KCNMB2: variants seen among roughly 807,000 people sequenced by gnomAD.
KCNMB2 encodes potassium calcium-activated channel subfamily M regulatory beta subunit 2.
Under a neutral mutation model 24.5 loss-of-function variants are expected in KCNMB2, and 9 were observed. The observed-to-expected ratio is 0.37, with a 90% CI of 0.22 to 0.64. KCNMB2 has a LOEUF of 0.64. Among genes scored for constraint, KCNMB2 ranks in the 30% least tolerant of loss-of-function variants. The pLI is 0.63. For synonymous variants in KCNMB2, 109 were observed against 104.4 expected (o/e 1.04, Z -0.27); for missense variants, 226 against 284.3 (o/e 0.79, Z 1.47).
intron 1 of KCNMB2, among the ~76,000 whole-genome samples, chr3:178,647,168 TC>T (rs1262681916): frequency 6.6e-6 from 1 of 152,112 alleles, no homozygotes; most frequent in Non-Finnish European, 1.5e-5. Context: ...TAAATATGCT[TC>T]CTAGCCTGTC....
In KCNMB2 at chr3:178,560,470, C is replaced by G. The variant is rs536786531; in HGVS notation, c.-68+23759C>G. On this transcript the variant is annotated intron_variant, in intron 1 of 4. Transcript: ENST00000452583. ...CCACTGAAGCGATTGCTATTCCCAA[C>G]TTTATCCTTAGAATTCTTTTTCCAA... Among the ~76,000 whole-genome samples, 9 of 152,312 alleles carry G rather than the reference C, an allele frequency of 5.9e-5. No homozygotes were observed. The East Asian group carries it at 1.7e-3, about 29-fold the overall frequency.
chr3:178,643,768 C>G (rs910356500), intron 1 of KCNMB2, among the ~76,000 whole-genome samples: 1 of 152,162 alleles, frequency 6.6e-6, no homozygotes, highest in African/African-American at 2.4e-5. Context: ...TAGGTACTTT[C>G]AAGGATTCCT....
chr3:178,741,113 T>C (rs1438011752), intron 1 of KCNMB2, among the ~76,000 whole-genome samples: 1 of 152,238 alleles, frequency 6.6e-6, no homozygotes, highest in Non-Finnish European at 1.5e-5. Flanking sequence ...TGAACATGTT[T>C]GTCCATTTGC....
chr3:178,592,599 AAG>A (rs1278098828), intron 1 of KCNMB2, among the ~76,000 whole-genome samples: 1 of 152,128 alleles, frequency 6.6e-6, no homozygotes, highest in East Asian at 1.9e-4. Flanking sequence ...TTTCCATAAA[AAG>A]AGATGTTGAT....
At chr3:178,759,333 A>ATATATATC (rs1258621851) in intron 1 of KCNMB2, among the ~76,000 whole-genome samples, 5 of 58,264 alleles carry the variant, frequency 8.6e-5, no homozygotes, top group African/African-American at 3.5e-4. Context: ...ATATATATAT[A>ATATATATC]TCTCCAAGAG....
At chr3:178,674,383 C>T (rs1348299826) in intron 1 of KCNMB2, among the ~76,000 whole-genome samples, 1 of 152,082 alleles carries the variant, frequency 6.6e-6, no homozygotes, top group African/African-American at 2.4e-5. Flanking sequence ...CTGGTTCCTC[C>T]AAGCCTATTT....
At chr3:178,601,957 A>C (rs922006902) in intron 1 of KCNMB2, among the ~76,000 whole-genome samples, 2 of 152,214 alleles carry the variant, frequency 1.3e-5, no homozygotes, top group Non-Finnish European at 2.9e-5. Context: ...GGTAAATTAA[A>C]GGGTTTTCTG....
intron 1 of KCNMB2, among the ~76,000 whole-genome samples, chr3:178,690,265 C>T (rs1721623577): frequency 6.6e-6 from 1 of 151,768 alleles, no homozygotes; most frequent in Admixed American, 6.6e-5. Flanking sequence ...TGTATGTAGC[C>T]TTTTAATATA....
intron 1 of KCNMB2, among the ~76,000 whole-genome samples, chr3:178,634,693 A>G (rs1719449146): frequency 6.6e-6 from 1 of 152,190 alleles, no homozygotes; most frequent in South Asian, 2.1e-4. Flanking sequence ...GCAAAACCCA[A>G]TGCTAGACTC....
In KCNMB2 at chr3:178,640,009, G is replaced by A. The variant is rs1409218264; in HGVS notation, c.-68+103298G>A. On this transcript the variant is annotated intron_variant, in intron 1 of 4. Transcript: ENST00000452583. ...CTGTTATGTATGTGTCTAGTACAAT[G>A]TCTGACACAGAACACATGCCAATAA... is the stretch of plus-strand genomic sequence containing the variant. 3.9e-5 allele frequency among the ~76,000 whole-genome samples: 6 copies of A among 152,126 alleles called. No individual in the cohort carries two copies. The East Asian group carries it at 9.6e-4, about 24-fold the overall frequency.
intron 1 of KCNMB2, among the ~76,000 whole-genome samples, chr3:178,702,545 G>A (rs1431017239): frequency 6.6e-6 from 1 of 152,040 alleles, no homozygotes; most frequent in East Asian, 1.9e-4. Context: ...TGTATTACAA[G>A]AGCCAAAGGT....
intron 1 of KCNMB2, among the ~76,000 whole-genome samples, chr3:178,625,364 C>T (rs930221067): frequency 3.9e-5 from 6 of 152,158 alleles, no homozygotes; most frequent in Non-Finnish European, 7.4e-5. Flanking sequence ...GCCTGGAAGT[C>T]GGGGAGCAGC....
intron 1 of KCNMB2, among the ~76,000 whole-genome samples, chr3:178,732,961 T>A (rs1332564969): frequency 6.6e-6 from 1 of 152,044 alleles, no homozygotes; most frequent in Non-Finnish European, 1.5e-5. Flanking sequence ...TGAGGAGCAG[T>A]GATGGGGGAT....
chr3:178,808,031 C>A (rs1388707447), intron 2 of KCNMB2, among the ~76,000 whole-genome samples: 2 of 151,688 alleles, frequency 1.3e-5, no homozygotes, highest in African/African-American at 4.8e-5. Context: ...GGAAGGAAAA[C>A]AGAAAGTATG....
intron 1 of KCNMB2, among the ~76,000 whole-genome samples, chr3:178,622,574 C>A (rs1718961584): frequency 6.6e-6 from 1 of 152,172 alleles, no homozygotes; most frequent in Non-Finnish European, 1.5e-5. Context: ...TAAAGACAAC[C>A]CAGATGAGAG....
chr3:178,777,128 T>C (rs1712613649), intron 1 of KCNMB2, among the ~76,000 whole-genome samples: 1 of 152,108 alleles, frequency 6.6e-6, no homozygotes, highest in Non-Finnish European at 1.5e-5. Context: ...ATTGTAGTTA[T>C]ATGCAACTTA....
chr3:178,649,743 T>A (rs182744686), intron 1 of KCNMB2, among the ~76,000 whole-genome samples: 21 of 152,248 alleles, frequency 1.4e-4, no homozygotes, highest in Admixed American at 1.4e-3. Flanking sequence ...TATTTGTATC[T>A]ATCTGACTCT....
chr3:178,563,389 T>G (rs1241149054), intron 1 of KCNMB2, among the ~76,000 whole-genome samples: 1 of 152,184 alleles, frequency 6.6e-6, no homozygotes, highest in African/African-American at 2.4e-5. Context: ...GGTGGGTAGC[T>G]GGAGCGCAAA....
At chr3:178,744,204 G>T (rs1168168914) in intron 1 of KCNMB2, among the ~76,000 whole-genome samples, 2 of 152,184 alleles carry the variant, frequency 1.3e-5, no homozygotes, top group African/African-American at 4.8e-5. Context: ...TTATTGTTAG[G>T]CATTCTGCCT....
Sources: allele counts gnomAD v4.1 joint callset (sites outside exome capture counted in the v4.1 genomes callset), GRCh38; gene constraint gnomAD v4.1.1; transcripts MANE v1.5; gene names NCBI Gene and HGNC (gene_info 2026-07-23, HGNC 2026-07-21).